GPC6: variants seen among roughly 807,000 people sequenced by gnomAD.
The protein encoded by GPC6 is glypican 6.
In GPC6, 14 loss-of-function variants were observed where a neutral mutation model predicts 55.2. The ratio of observed to expected loss-of-function variants is 0.25; its 90% CI spans 0.17 to 0.40. GPC6 has a LOEUF of 0.40. Among genes scored for constraint, GPC6 ranks in the 10% least tolerant of loss-of-function variants. The probability of loss-of-function intolerance (pLI) is 1.00; values close to 1 mark genes in which losing one functional copy is unlikely to be tolerated. For missense variants in GPC6, 641 were observed against 708.5 expected, an observed-to-expected ratio of 0.90 and a Z score of 1.08; for synonymous variants, 278 against 259.6, an observed-to-expected ratio of 1.07 and a Z score of -0.68.
chr13:93,883,574 A>G lies in GPC6; in HGVS notation c.711+53029A>G, dbSNP rs180965946. Among the ~76,000 whole-genome samples the G allele has an allele frequency of 3.3e-5, 5 of 151,880 alleles. No homozygotes were observed. In the East Asian group the frequency reaches 8.1e-4, roughly 25 times the overall value. ...CATTAGTGATGTTGAGCATTTTTTC[A>G]TATGCTTGTTGGCCATTTGTGTATC... On this transcript the variant is annotated intron_variant, in intron 3 of 8. Transcript: ENST00000377047.
At chr13:93,908,263 A>C (rs755055489) in intron 3 of GPC6, among the ~76,000 whole-genome samples, 1 of 152,204 alleles carries the variant, frequency 6.6e-6, no homozygotes, top group Non-Finnish European at 1.5e-5. Context: ...AATAAATTGC[A>C]GACTTCATAA....
intron 3 of GPC6, among the ~76,000 whole-genome samples, chr13:94,010,301 A>G (rs1882194369): frequency 2.0e-5 from 3 of 152,332 alleles, no homozygotes; most frequent in Non-Finnish European, 2.9e-5. Context: ...TACATTTGAT[A>G]TTCCTTTACT....
At chr13:93,991,666 C>T (rs1203742913) in intron 3 of GPC6, among the ~76,000 whole-genome samples, 3 of 152,012 alleles carry the variant, frequency 2.0e-5, no homozygotes, top group Non-Finnish European at 4.4e-5. Context: ...TGTCAAGGTA[C>T]ACAACTGTAG....
chr13:93,604,604 C>A lies in GPC6; in HGVS notation c.319+59183C>A, dbSNP rs181903932. Among the ~76,000 whole-genome samples, 178 of 151,976 alleles carry A rather than the reference C, an allele frequency of 1.2e-3. 1 individual carries two copies. Among genetic ancestry groups the A allele is most frequent in the African/African-American group, 4.1e-3 (170 of 41,430 alleles). Reference sequence around the variant, plus strand: ...AGATATTTTTCATTATCGCTGCTATCGTCACTAATATCAGCCTTATGGAAA... The same window carrying A: ...AGATATTTTTCATTATCGCTGCTATAGTCACTAATATCAGCCTTATGGAAA... On this transcript the variant is annotated intron_variant, in intron 2 of 8. Coordinates refer to ENST00000377047, the MANE Select transcript of GPC6 (RefSeq NM_005708.5).
chr13:94,224,715 A>G (rs116781339), intron 4 of GPC6, among the ~76,000 whole-genome samples: 2,712 of 152,182 alleles, frequency 0.018, 100 homozygotes, highest in African/African-American at 0.062. Context: ...AAGCTTGGCT[A>G]ACTTTCTCAA....
chr13:93,224,877 C>T (rs1013626739), upstream of GPC6, among the ~76,000 whole-genome samples: 9 of 152,200 alleles, frequency 5.9e-5, no homozygotes, highest in Non-Finnish European at 1.0e-4. Flanking sequence ...CTATTTGACT[C>T]TCCTGATGGA....
In GPC6 at chr13:93,794,950, T is replaced by C. The variant is rs192403909; in HGVS notation, c.320-35204T>C. Among the ~76,000 whole-genome samples, 700 of 152,322 alleles carry C rather than the reference T, an allele frequency of 4.6e-3. 4 individuals carry two copies. The highest frequency in any genetic ancestry group is 0.016 in the African/African-American group (649 of 41,584). On this transcript the variant is annotated intron_variant, in intron 2 of 8. Coordinates refer to ENST00000377047, the MANE Select transcript of GPC6 (RefSeq NM_005708.5). ...ACTCTTTTCCATCAGCCCCCTGAGATTGGGTAGCATAGCAAATGGTAGCCA... is the reference window on the plus strand; with the variant it reads ...ACTCTTTTCCATCAGCCCCCTGAGACTGGGTAGCATAGCAAATGGTAGCCA...
intron 4 of GPC6, among the ~76,000 whole-genome samples, chr13:94,037,566 C>A (rs183648562): frequency 6.6e-5 from 10 of 151,988 alleles, no homozygotes; most frequent in Non-Finnish European, 1.3e-4. Context: ...TTACTTTAAA[C>A]TTTTAACCCT....
chr13:93,297,537 A>G (rs1333235013), intron 1 of GPC6, among the ~76,000 whole-genome samples: 1 of 152,214 alleles, frequency 6.6e-6, no homozygotes, highest in Non-Finnish European at 1.5e-5. Flanking sequence ...AGGCTGAGGC[A>G]GGAGTATTGA....
At position 94,401,326 on chromosome 13, in the gene GPC6, C is replaced by G. The variant is rs369831316; in HGVS notation, c.1466-1689C>G. On this transcript the variant is annotated intron_variant, in intron 8 of 8. Coordinates refer to ENST00000377047, the MANE Select transcript of GPC6 (RefSeq NM_005708.5). ...TAAACAGTAAGCAAGTGAACAGGCA[C>G]GTAAATAATACCACCTCCAAGCGGT... Among the ~76,000 whole-genome samples, 67 of 152,204 alleles carry G rather than the reference C, an allele frequency of 4.4e-4. 1 individual carries two copies. Among genetic ancestry groups the G allele is most frequent in the African/African-American group, 1.6e-3 (65 of 41,514 alleles).
chr13:93,876,611 G>C (rs571474417), intron 3 of GPC6, among the ~76,000 whole-genome samples: 1 of 152,044 alleles, frequency 6.6e-6, no homozygotes, highest in Non-Finnish European at 1.5e-5. Context: ...TTCTTACATT[G>C]CTGTTAGAAT....
chr13:94,264,993 T>A (rs78267169), intron 4 of GPC6, among the ~76,000 whole-genome samples: 9,067 of 152,236 alleles, frequency 0.06, 688 homozygotes, highest in East Asian at 0.21. Flanking sequence ...TGCTCCCATG[T>A]TTCAGTTATC....
intron 6 of GPC6, among the ~76,000 whole-genome samples, chr13:94,366,121 G>A (rs996672961): frequency 2.0e-5 from 3 of 152,184 alleles, no homozygotes; most frequent in Non-Finnish European, 4.4e-5. Flanking sequence ...ATCACAGGTA[G>A]AAATAGAGAT....
At chr13:94,154,462 G>A (rs1279229103) in intron 4 of GPC6, 2 of 152,298 alleles carry the variant, frequency 1.3e-5, no homozygotes, top group Admixed American at 1.3e-4. Context: ...GAAGCCTGGA[G>A]TGCTGACCTC....
At chr13:93,717,280 A>G (rs1232435088) in intron 2 of GPC6, among the ~76,000 whole-genome samples, 1 of 151,716 alleles carries the variant, frequency 6.6e-6, no homozygotes. Flanking sequence ...CTTCATAATG[A>G]AAGCATATTT....
chr13:93,503,625 G>A (rs1880603374), intron 1 of GPC6, among the ~76,000 whole-genome samples: 1 of 152,096 alleles, frequency 6.6e-6, no homozygotes, highest in Non-Finnish European at 1.5e-5. Context: ...TATTCCATTT[G>A]TGTGTATATC....
At chr13:94,230,641 G>C (rs769158927) in intron 4 of GPC6, among the ~76,000 whole-genome samples, 4 of 152,208 alleles carry the variant, frequency 2.6e-5, no homozygotes, top group Non-Finnish European at 5.9e-5. Flanking sequence ...GCATCCCTTG[G>C]CTAACTACTT....
At chr13:94,335,088 A>G (rs990127966) in intron 6 of GPC6, among the ~76,000 whole-genome samples, 6 of 152,158 alleles carry the variant, frequency 3.9e-5, no homozygotes, top group African/African-American at 1.4e-4. Context: ...CCAAAGGGTT[A>G]CTACTAAGCA....
At chr13:94,322,086 G>A (rs897182180) in intron 6 of GPC6, among the ~76,000 whole-genome samples, 12 of 152,100 alleles carry the variant, frequency 7.9e-5, no homozygotes, top group Non-Finnish European at 1.3e-4. Context: ...TAATTCCCAC[G>A]TGTTGTGGGA....
Sources: allele counts gnomAD v4.1 joint callset (sites outside exome capture counted in the v4.1 genomes callset), GRCh38; gene constraint gnomAD v4.1.1; transcripts MANE v1.5; gene names NCBI Gene and HGNC (gene_info 2026-07-23, HGNC 2026-07-21).